The following RTL4 variants were observed in gnomAD, a reference collection of about 807,000 sequenced individuals.
The protein encoded by RTL4 is retrotransposon Gag like 4, also known as retrotransposon Gag-like protein 4.
In RTL4, 4 loss-of-function variants were observed where a neutral mutation model predicts 5.3. The ratio of observed to expected loss-of-function variants is 0.75; its 90% CI spans 0.37 to 1.72. The LOEUF (loss-of-function observed/expected upper bound fraction) is 1.72. Among genes scored for constraint, RTL4 ranks in the 40% most tolerant of loss-of-function variants. The pLI is 0.04. For missense variants in RTL4, 260 were observed against 227.1 expected, an observed-to-expected ratio of 1.14 and a Z score of -0.93; for synonymous variants, 98 against 87.3, an observed-to-expected ratio of 1.12 and a Z score of -0.68.
chrX:112,329,773 A>G, the RTL4 span, among the ~76,000 whole-genome samples: 1 of 111,372 alleles, frequency 9.0e-6, no homozygotes, highest in Non-Finnish European at 1.9e-5. Context: ...AAATACTGGC[A>G]AACCGAATCC....
chrX:112,294,365 T>A, the RTL4 span, among the ~76,000 whole-genome samples: 1 of 111,233 alleles, frequency 9.0e-6, no homozygotes, highest in Non-Finnish European at 1.9e-5. Flanking sequence ...GGGAGGCCGA[T>A]GCAGGCAGAT....
the RTL4 span, among the ~76,000 whole-genome samples, chrX:112,149,684 A>G: frequency 8.9e-6 from 1 of 112,398 alleles, no homozygotes; most frequent in Admixed American, 9.4e-5. Context: ...ACTATTATCA[A>G]GTACCTACTA....
At chrX:112,199,016 C>T in the RTL4 span, among the ~76,000 whole-genome samples, 6 of 110,836 alleles carry the variant, frequency 5.4e-5, no homozygotes, top group Non-Finnish European at 7.5e-5. Context: ...CAGGCTGGCG[C>T]GGTGGCTCAC....
the RTL4 span, among the ~76,000 whole-genome samples, chrX:112,158,781 C>T: frequency 2.7e-5 from 3 of 111,334 alleles, no homozygotes; most frequent in South Asian, 3.7e-4. Context: ...ATTAATCTCC[C>T]TCTGGCTAAA....
At chrX:112,318,358 T>C in the RTL4 span, among the ~76,000 whole-genome samples, 1 of 112,045 alleles carries the variant, frequency 8.9e-6, no homozygotes, top group Non-Finnish European at 1.9e-5. Context: ...TTTTCTCCAT[T>C]GTACTTACCA....
At chrX:112,380,549 G>T in the RTL4 span, among the ~76,000 whole-genome samples, 1 of 112,093 alleles carries the variant, frequency 8.9e-6, no homozygotes, top group Non-Finnish European at 1.9e-5. Flanking sequence ...AGGAAGTTTG[G>T]ATTGTTTCCA....
the RTL4 span, among the ~76,000 whole-genome samples, chrX:112,214,817 C>G: frequency 1.8e-5 from 2 of 109,940 alleles, no homozygotes; most frequent in Non-Finnish European, 3.8e-5. Flanking sequence ...GAGACGGAGT[C>G]TCTCTCTGTT....
At chrX:112,124,376 T>C in the RTL4 span, among the ~76,000 whole-genome samples, 1 of 111,480 alleles carries the variant, frequency 9.0e-6, no homozygotes, top group African/African-American at 3.3e-5. Context: ...CACACGTATG[T>C]TTATTGCAGC....
chrX:112,241,621 C>T, the RTL4 span, among the ~76,000 whole-genome samples: 22 of 111,871 alleles, frequency 2.0e-4, no homozygotes, highest in East Asian at 5.9e-3. Flanking sequence ...GTACATTGCA[C>T]AAATTTTCTC....
the RTL4 span, among the ~76,000 whole-genome samples, chrX:112,309,504 T>C: frequency 9.1e-6 from 1 of 110,369 alleles, no homozygotes; most frequent in South Asian, 3.9e-4. Context: ...TGTCTTTTTT[T>C]TTAAGACAGG....
the RTL4 span, among the ~76,000 whole-genome samples, chrX:112,424,361 T>C: frequency 3.6e-5 from 4 of 111,710 alleles, no homozygotes. Context: ...CTGATTAACC[T>C]TCTGGACTTT....
the RTL4 span, among the ~76,000 whole-genome samples, chrX:112,099,189 A>G: frequency 3.6e-5 from 4 of 112,010 alleles, no homozygotes; most frequent in African/African-American, 1.3e-4. Context: ...AATTTACCAG[A>G]AAAAAACAAA....
the RTL4 span, among the ~76,000 whole-genome samples, chrX:112,165,542 T>C: frequency 3.6e-5 from 4 of 111,813 alleles, no homozygotes; most frequent in African/African-American, 1.3e-4. Context: ...AAGACCCATA[T>C]GAAATCTTAT....
the RTL4 span, among the ~76,000 whole-genome samples, chrX:112,190,971 C>G: frequency 6.5e-3 from 726 of 112,022 alleles, 4 homozygotes; most frequent in Middle Eastern, 0.018. Flanking sequence ...CAGAAAAATC[C>G]CTTTCCCTAT....
the RTL4 span, among the ~76,000 whole-genome samples, chrX:112,263,987 G>C: frequency 9.0e-6 from 1 of 111,485 alleles, no homozygotes; most frequent in Non-Finnish European, 1.9e-5. Context: ...CTAATAGTGG[G>C]TGTGGTTGCT....
At chrX:112,230,987 T>C in the RTL4 span, among the ~76,000 whole-genome samples, 16 of 111,438 alleles carry the variant, frequency 1.4e-4, no homozygotes, top group Non-Finnish European at 9.4e-5. Flanking sequence ...TCATCATCAC[T>C]GGCCATCAGA....
At chrX:112,424,553 G>T in the RTL4 span, among the ~76,000 whole-genome samples, 1 of 111,202 alleles carries the variant, frequency 9.0e-6, no homozygotes, top group Admixed American at 9.6e-5. Context: ...TTCTGCTAAG[G>T]TTGCAACTAA....
At chrX:112,336,832 G>C in the RTL4 span, among the ~76,000 whole-genome samples, 1 of 111,966 alleles carries the variant, frequency 8.9e-6, no homozygotes, top group African/African-American at 3.2e-5. Context: ...TTTTAGGCTT[G>C]ACAGGGCTTG....
At chrX:112,414,864 AT>A in the RTL4 span, among the ~76,000 whole-genome samples, 1 of 111,627 alleles carries the variant, frequency 9.0e-6, no homozygotes, top group Non-Finnish European at 1.9e-5. Context: ...AAGGATAGAT[AT>A]AAAGCCCTTT....
Sources: allele counts gnomAD v4.1 joint callset (sites outside exome capture counted in the v4.1 genomes callset), GRCh38; gene constraint gnomAD v4.1.1; transcripts MANE v1.5; gene names NCBI Gene and HGNC (gene_info 2026-07-23, HGNC 2026-07-21).